Variants in NOL4 observed in about 807,000 individuals in gnomAD.
The protein encoded by NOL4 is cancer/testis antigen 125.
Under a neutral mutation model 75.9 loss-of-function variants are expected in NOL4, and 17 were observed. The ratio of observed to expected loss-of-function variants is 0.22; its 90% CI spans 0.15 to 0.34. NOL4 has a LOEUF of 0.34. NOL4 is among the 10% of genes least tolerant of loss of function. NOL4 has a pLI of 1.00. For synonymous variants in NOL4, 292 were observed against 289.9 expected (o/e 1.01, Z -0.07); for missense variants, 614 against 793.5 (o/e 0.77, Z 2.72).
chr18:33,864,364 T>C (rs924507698), intron 10 of NOL4, among the ~76,000 whole-genome samples: 1 of 152,128 alleles, frequency 6.6e-6, no homozygotes, highest in South Asian at 2.1e-4. Context: ...GAAACATAAG[T>C]TCTAATTTCA....
intron 1 of NOL4, among the ~76,000 whole-genome samples, chr18:34,154,754 T>C (rs2030038482): frequency 6.6e-6 from 1 of 152,034 alleles, no homozygotes; most frequent in Non-Finnish European, 1.5e-5. Flanking sequence ...GTGTGTTAAC[T>C]AAATGTCTCT....
At chr18:34,139,905 C>T (rs1188793095) in intron 1 of NOL4, among the ~76,000 whole-genome samples, 3 of 152,132 alleles carry the variant, frequency 2.0e-5, no homozygotes, top group African/African-American at 7.2e-5. Context: ...TTTCCAAGAA[C>T]ATCTTTATTT....
chr18:33,852,759 C>G lies in NOL4; in HGVS notation c.*83G>C. 2.5e-6 allele frequency: 3 copies of G among 1,196,454 alleles called. No homozygotes were observed. The highest frequency in any genetic ancestry group is 1.2e-6 in the Non-Finnish European group (1 of 836,338). 74.1% of individuals were successfully genotyped at this position (1,196,454 alleles called of 1,614,324 possible). A position where few individuals can be genotyped will look rare whatever the true frequency, so the allele number is the denominator to read the frequency against. ...CTCTTAAAAGACTGTGCAGTAAGAC[C>G]AGAAGTATCTCTGTTGGGAAATCAA... On this transcript the variant is annotated 3_prime_UTR_variant, in exon 11 of 11. Transcript: ENST00000261592.
chr18:34,044,987 T>C (rs973544362), intron 5 of NOL4, among the ~76,000 whole-genome samples: 5 of 152,208 alleles, frequency 3.3e-5, no homozygotes, highest in Non-Finnish European at 5.9e-5. Context: ...AGTGTTTTTA[T>C]GAAATCTTGA....
chr18:34,222,205 T>C lies in NOL4; in HGVS notation c.264+785A>G, dbSNP rs898227683. The stretch of plus-strand genomic sequence containing the variant: ...GCCTCGCGGCGCCTGGGCTAGAGCT[T>C]TGTGGCCATGAGACTAGAGCCACCC... On this transcript the variant is annotated intron_variant, in intron 1 of 10. Transcript: ENST00000261592. 6.6e-5 allele frequency: 96 copies of C among 1,444,160 alleles called. No homozygotes were observed. In the Middle Eastern group the frequency reaches 8.9e-4, roughly 13 times the overall value. 89.5% of individuals were successfully genotyped at this position (1,444,160 alleles called of 1,614,324 possible).
chr18:33,925,504 T>C (rs768579417), intron 9 of NOL4, among the ~76,000 whole-genome samples: 3 of 152,310 alleles, frequency 2.0e-5, no homozygotes, highest in South Asian at 4.1e-4. Context: ...GACAGATTCA[T>C]TGGACTTCTC....
intron 1 of NOL4, among the ~76,000 whole-genome samples, chr18:34,203,685 C>CCTCTCTCTCTCTCTCTCTCT (rs1226376797): frequency 9.9e-5 from 10 of 100,764 alleles, no homozygotes; most frequent in African/African-American, 3.9e-4. Context: ...TCTCTCTCTC[C>CCTCTCTCTCTCTCTCTCTCT]CTCTCTCTCT....
At chr18:34,088,024 A>G (rs1054124398) in intron 5 of NOL4, among the ~76,000 whole-genome samples, 2 of 151,808 alleles carry the variant, frequency 1.3e-5, no homozygotes, top group African/African-American at 2.4e-5. Context: ...ATATATATAA[A>G]TTGTTGCAAT....
intron 2 of NOL4, among the ~76,000 whole-genome samples, chr18:34,124,378 T>A (rs1267005770): frequency 6.6e-6 from 1 of 152,224 alleles, no homozygotes; most frequent in Non-Finnish European, 1.5e-5. Flanking sequence ...AGTATTTTTT[T>A]CTAAGAAATG....
chr18:34,208,886 T>G (rs891618690), intron 1 of NOL4, among the ~76,000 whole-genome samples: 5 of 149,564 alleles, frequency 3.3e-5, no homozygotes, highest in African/African-American at 1.2e-4. Context: ...AAAACTGTAA[T>G]TATCATAATT....
intron 2 of NOL4, among the ~76,000 whole-genome samples, chr18:34,110,424 G>A (rs375081931): frequency 1.3e-5 from 2 of 151,978 alleles, no homozygotes; most frequent in African/African-American, 4.8e-5. Flanking sequence ...GCAGAATGAA[G>A]GATAAAAGTA....
intron 6 of NOL4, among the ~76,000 whole-genome samples, chr18:34,006,534 G>C (rs930088812): frequency 6.6e-6 from 1 of 151,934 alleles, no homozygotes; most frequent in East Asian, 1.9e-4. Flanking sequence ...TGATTCAACT[G>C]GACTGCTTCC....
At chr18:34,064,918 A>AACACAC (rs66465203) in intron 5 of NOL4, among the ~76,000 whole-genome samples, 2,539 of 95,514 alleles carry the variant, frequency 0.027, 61 homozygotes, top group African/African-American at 0.074. Flanking sequence ...GGTATTTTTT[A>AACACAC]ACACACACAC....
intron 1 of NOL4, among the ~76,000 whole-genome samples, chr18:34,188,995 T>G (rs79969852): frequency 0.017 from 2,627 of 152,290 alleles, 75 homozygotes; most frequent in African/African-American, 0.061. Context: ...TATCAAAGAC[T>G]TCCAAGAACC....
At chr18:34,139,493 A>C (rs1303867793) in intron 1 of NOL4, among the ~76,000 whole-genome samples, 2 of 152,130 alleles carry the variant, frequency 1.3e-5, no homozygotes, top group Non-Finnish European at 2.9e-5. Context: ...CTCTGATGGT[A>C]GTTTGTATTT....
At position 33,983,820 on chromosome 18, in the gene NOL4, T is replaced by C. The variant is rs189028564; in HGVS notation, c.1057-25402A>G. On this transcript the variant is annotated intron_variant, in intron 6 of 10. Coordinates refer to ENST00000261592, the MANE Select transcript of NOL4 (RefSeq NM_003787.5). ...CCAAAAGCTTAGTTGCCCTTTTGCATTCATGTTAGATTGAATCATACAGAC... is the reference window on the plus strand; with the variant it reads ...CCAAAAGCTTAGTTGCCCTTTTGCACTCATGTTAGATTGAATCATACAGAC... Among the ~76,000 whole-genome samples the C allele has an allele frequency of 1.9e-3, 294 of 152,172 alleles. 2 individuals carry two copies. The highest frequency in any genetic ancestry group is 7.0e-3 in the African/African-American group (289 of 41,560).
chr18:34,122,512 G>A (rs2080190865), intron 2 of NOL4, among the ~76,000 whole-genome samples: 2 of 152,020 alleles, frequency 1.3e-5, no homozygotes. Flanking sequence ...CATCTTTCTA[G>A]TCACATTATT....
intron 1 of NOL4, among the ~76,000 whole-genome samples, chr18:34,140,564 T>C (rs2081102287): frequency 6.6e-6 from 1 of 152,162 alleles, no homozygotes; most frequent in East Asian, 1.9e-4. Flanking sequence ...ATTTTGAGCC[T>C]ATGTGTGTCT....
intron 5 of NOL4, among the ~76,000 whole-genome samples, chr18:34,039,646 A>G (rs1023341053): frequency 6.6e-6 from 1 of 152,036 alleles, no homozygotes; most frequent in African/African-American, 2.4e-5. Context: ...GTAAATTGTT[A>G]GTTCTTTTGT....
Sources: allele counts gnomAD v4.1 joint callset (sites outside exome capture counted in the v4.1 genomes callset), GRCh38; gene constraint gnomAD v4.1.1; transcripts MANE v1.5; gene names NCBI Gene and HGNC (gene_info 2026-07-23, HGNC 2026-07-21).